Variants in JAKMIP1 observed in about 807,000 individuals in gnomAD.
JAKMIP1 encodes the protein janus kinase and microtubule interacting protein 1.
In JAKMIP1, 33 loss-of-function variants were observed where a neutral mutation model predicts 113.0. The observed-to-expected ratio is 0.29, with a 90% confidence interval of 0.22 to 0.39. JAKMIP1 has a LOEUF of 0.39. Among genes scored for constraint, JAKMIP1 ranks in the 10% least tolerant of loss-of-function variants. JAKMIP1 has a pLI of 1.00. For missense variants in JAKMIP1, 813 were observed against 1,080.5 expected (o/e 0.75, Z 3.47); for synonymous variants, 480 against 459.9 (o/e 1.04, Z -0.56).
intron 1 of JAKMIP1, among the ~76,000 whole-genome samples, chr4:6,115,813 C>A (rs1053722812): frequency 1.3e-5 from 2 of 152,164 alleles, no homozygotes; most frequent in Non-Finnish European, 2.9e-5. Flanking sequence ...TCCACAGGAG[C>A]AGCCCACCGG....
chr4:6,075,762 A>G (rs114449480), intron 8 of JAKMIP1, among the ~76,000 whole-genome samples: 2,234 of 152,352 alleles, frequency 0.015, 23 homozygotes, highest in Non-Finnish European at 0.023. Flanking sequence ...CAGGCAATGA[A>G]CAGGCCACAG....
At chr4:6,149,743 C>A (rs545600568) in intron 1 of JAKMIP1, among the ~76,000 whole-genome samples, 30 of 152,270 alleles carry the variant, frequency 2.0e-4, no homozygotes, top group African/African-American at 6.7e-4. Flanking sequence ...CTTGACCCCC[C>A]ACCAGCACAG....
At chr4:6,126,615 A>AAC (rs141257246) in intron 1 of JAKMIP1, among the ~76,000 whole-genome samples, 5,999 of 145,962 alleles carry the variant, frequency 0.041, 404 homozygotes, top group African/African-American at 0.14. Flanking sequence ...ACCATGCAGA[A>AAC]ACACACACAC....
intron 1 of JAKMIP1, among the ~76,000 whole-genome samples, chr4:6,131,347 T>C (rs985891911): frequency 8.8e-6 from 1 of 113,980 alleles, no homozygotes; most frequent in Non-Finnish European, 1.8e-5. Flanking sequence ...GCTCAGAAAA[T>C]AGCAAGAAGG....
At position 6,168,566 on chromosome 4, in the gene JAKMIP1, T is replaced by C. The variant is rs1723941695; in HGVS notation, c.-148+31687A>G. Among the ~76,000 whole-genome samples the C allele has an allele frequency of 6.6e-6, 1 of 152,292 alleles. No homozygotes were observed. Among genetic ancestry groups the C allele is most frequent in the Middle Eastern group, 3.4e-3 (1 of 294 alleles). ...TCACAAAATACCACAGATTGAATATTCCATTTAGATTAAATGTCTAGAATA... is the reference window on the plus strand; with the variant it reads ...TCACAAAATACCACAGATTGAATATCCCATTTAGATTAAATGTCTAGAATA... On this transcript the variant is annotated intron_variant, in intron 1 of 20. Coordinates refer to ENST00000409021, the MANE Select transcript of JAKMIP1 (RefSeq NM_001099433.2). This position sits in a 1 kb window ranked among gnomAD's most constrained non-coding sequence, Gnocchi z 4.6.
At position 6,185,060 on chromosome 4, in the gene JAKMIP1, G is replaced by T. The variant is rs1189322686; in HGVS notation, c.-148+15193C>A. On this transcript the variant is annotated intron_variant, in intron 1 of 20. Coordinates refer to ENST00000409021, the MANE Select transcript of JAKMIP1 (RefSeq NM_001099433.2). The surrounding 1 kb of genome is among the most constrained non-coding windows in gnomAD (Gnocchi z 5.3). Reference sequence around the variant, plus strand: ...GGACTTCCACCAGTGGTTTGCCAGGGCTCTCAGGCCTTGGGCCACTGACTG... The same window carrying T: ...GGACTTCCACCAGTGGTTTGCCAGGTCTCTCAGGCCTTGGGCCACTGACTG... Among the ~76,000 whole-genome samples, 1 of 152,186 alleles carries T rather than the reference G, an allele frequency of 6.6e-6. No individual in the cohort carries two copies. Among genetic ancestry groups the T allele is most frequent in the East Asian group, 1.9e-4 (1 of 5,184 alleles).
intron 1 of JAKMIP1, among the ~76,000 whole-genome samples, chr4:6,160,926 C>CCTCCCCGATCTCCACTTAT (rs1722832552): frequency 6.7e-6 from 1 of 148,240 alleles, no homozygotes; most frequent in Non-Finnish European, 1.5e-5. Flanking sequence ...TCTCCACTCA[C>CCTCCCCGATCTCCACTTAT]CTCCCCGATC....
At chr4:6,123,424 T>C (rs1465259403) in intron 1 of JAKMIP1, among the ~76,000 whole-genome samples, 3 of 152,146 alleles carry the variant, frequency 2.0e-5, no homozygotes, top group Admixed American at 1.3e-4. Context: ...GGCAGGAAAA[T>C]GAAAGGCAGC....
At position 6,193,411 on chromosome 4, in the gene JAKMIP1, T is replaced by C. The variant is rs1727500307; in HGVS notation, c.-148+6842A>G. Among the ~76,000 whole-genome samples the C allele has an allele frequency of 6.6e-6, 1 of 152,214 alleles. No homozygotes were observed. Among genetic ancestry groups the C allele is most frequent in the Non-Finnish European group, 1.5e-5 (1 of 68,036 alleles). ...CTTTTCATATACACATATATCCGATTAGTTCTGTCTCTCTAGAGAACCCTG... is the reference window on the plus strand; with the variant it reads ...CTTTTCATATACACATATATCCGATCAGTTCTGTCTCTCTAGAGAACCCTG... On this transcript the variant is annotated intron_variant, in intron 1 of 20. Transcript: ENST00000409021. The surrounding 1 kb of genome is among the most constrained non-coding windows in gnomAD (Gnocchi z 6.4).
chr4:6,115,964 G>A (rs935332931), intron 1 of JAKMIP1, among the ~76,000 whole-genome samples: 2 of 152,062 alleles, frequency 1.3e-5, no homozygotes, highest in East Asian at 1.9e-4. Context: ...ACCCTACCCC[G>A]TGCCCAGCCC....
In JAKMIP1 at chr4:6,051,430, G is replaced by A. The variant is rs1715647518; in HGVS notation, c.1807-751C>T. Among the ~76,000 whole-genome samples the A allele has an allele frequency of 6.6e-6, 1 of 152,018 alleles. No homozygotes were observed. The highest frequency in any genetic ancestry group is 1.5e-5 in the Non-Finnish European group (1 of 68,004). Reference sequence around the variant, plus strand: ...TTGTTTCTTTTTTAGTAGAGACGGGGTTTCACCATGTTGGCCAGGCTGGTC... The same window carrying A: ...TTGTTTCTTTTTTAGTAGAGACGGGATTTCACCATGTTGGCCAGGCTGGTC... On this transcript the variant is annotated intron_variant, in intron 13 of 20. Transcript: ENST00000409021. The surrounding 1 kb of genome is among the most constrained non-coding windows in gnomAD (Gnocchi z 5.0).
At chr4:6,170,484 C>T in intron 1 of JAKMIP1, among the ~76,000 whole-genome samples, 1 of 148,420 alleles carries the variant, frequency 6.7e-6, no homozygotes, top group South Asian at 2.2e-4. Context: ...ACCCTCACAA[C>T]CACCCCCAGC....
At chr4:6,111,298 G>A (rs1425683595) in intron 2 of JAKMIP1, among the ~76,000 whole-genome samples, 1 of 152,184 alleles carries the variant, frequency 6.6e-6, no homozygotes, top group East Asian at 1.9e-4. Flanking sequence ...CACCTTCGGG[G>A]CTTCAGATAG....
chr4:6,117,101 G>A (rs1298394950), intron 1 of JAKMIP1, among the ~76,000 whole-genome samples: 2 of 152,200 alleles, frequency 1.3e-5, no homozygotes, highest in Admixed American at 6.5e-5. Context: ...TCGTGTGCCC[G>A]TGAAGCTGGC....
At chr4:6,036,139 G>C in intron 18 of JAKMIP1, 32 bp from the exon 19 acceptor site, 2 of 1,490,406 alleles carry the variant, frequency 1.3e-6, no homozygotes, top group Non-Finnish European at 1.8e-6. Context: ...GACAGAGGAA[G>C]GTCACAAGGA....
intron 20 of JAKMIP1, among the ~76,000 whole-genome samples, chr4:6,028,984 T>C (rs1438591672): frequency 1.3e-5 from 2 of 152,260 alleles, no homozygotes; most frequent in African/African-American, 4.8e-5. Context: ...CCTCAAGGAC[T>C]CACAGCCATC....
At chr4:6,163,708 G>C (rs551995345) in intron 1 of JAKMIP1, among the ~76,000 whole-genome samples, 18 of 152,352 alleles carry the variant, frequency 1.2e-4, no homozygotes, top group African/African-American at 4.3e-4. Flanking sequence ...AGTTGTGAAT[G>C]CACAGGGAAA....
At chr4:6,169,803 C>T (rs1375652730) in intron 1 of JAKMIP1, among the ~76,000 whole-genome samples, 1 of 151,862 alleles carries the variant, frequency 6.6e-6, no homozygotes, top group Non-Finnish European at 1.5e-5. Context: ...GAACATGGGG[C>T]TAGTGGTGGT....
intron 19 of JAKMIP1, among the ~76,000 whole-genome samples, chr4:6,033,364 G>A (rs914560055): frequency 2.0e-5 from 3 of 152,204 alleles, no homozygotes; most frequent in Middle Eastern, 3.2e-3. Context: ...GGTTGTGTTA[G>A]GTAGTGTCGC....
Sources: allele counts gnomAD v4.1 joint callset (sites outside exome capture counted in the v4.1 genomes callset), GRCh38; gene constraint gnomAD v4.1.1; non-coding constraint Gnocchi (gnomAD v3.1); transcripts MANE v1.5; gene names NCBI Gene and HGNC (gene_info 2026-07-23, HGNC 2026-07-21).